The following ZNF804B variants were observed in gnomAD, a reference collection of about 807,000 sequenced individuals.
ZNF804B encodes zinc finger 804B.
ZNF804B carries 80 observed loss-of-function variants against 101.4 expected under a neutral mutation model. The ratio of observed to expected loss-of-function variants is 0.79; its 90% CI spans 0.66 to 0.95. The LOEUF is 0.95. ZNF804B is among the 40% of genes least tolerant of loss of function. The pLI, the probability that ZNF804B is intolerant of heterozygous loss-of-function variation, is 0.00. For synonymous variants in ZNF804B, 622 were observed against 558.8 expected, an observed-to-expected ratio of 1.11 and a Z score of -1.59; for missense variants, 1,673 against 1,561.9, an observed-to-expected ratio of 1.07 and a Z score of -1.20.
intron 1 of ZNF804B, among the ~76,000 whole-genome samples, chr7:88,924,454 A>G (rs1244580250): frequency 6.6e-6 from 1 of 152,158 alleles, no homozygotes; most frequent in African/African-American, 2.4e-5. Flanking sequence ...GACATTAATC[A>G]TGTATCTCAA....
At chr7:89,205,906 A>G (rs1788707735) in intron 1 of ZNF804B, among the ~76,000 whole-genome samples, 1 of 152,198 alleles carries the variant, frequency 6.6e-6, no homozygotes, top group Non-Finnish European at 1.5e-5. Flanking sequence ...GTTCTCCACA[A>G]GGCCCCACCC....
intron 1 of ZNF804B, among the ~76,000 whole-genome samples, chr7:88,854,533 T>TTCCTTTCCTTCC (rs796987599): frequency 1.3e-5 from 1 of 78,178 alleles, no homozygotes; most frequent in African/African-American, 5.8e-5. Context: ...TTCCTTTCCT[T>TTCCTTTCCTTCC]CCTTCCTTCC....
intron 1 of ZNF804B, among the ~76,000 whole-genome samples, chr7:89,018,551 G>A (rs1297463692): frequency 6.6e-6 from 1 of 151,998 alleles, no homozygotes; most frequent in Non-Finnish European, 1.5e-5. Context: ...TAGCTTGGAA[G>A]AATTCCTTCC....
intron 1 of ZNF804B, among the ~76,000 whole-genome samples, chr7:89,206,589 T>A (rs1788717800): frequency 6.6e-6 from 1 of 151,942 alleles, no homozygotes; most frequent in Non-Finnish European, 1.5e-5. Flanking sequence ...CTGTCTCTAC[T>A]AAAAATACAA....
chr7:89,179,599 T>A (rs1788265454), intron 1 of ZNF804B, among the ~76,000 whole-genome samples: 1 of 152,222 alleles, frequency 6.6e-6, no homozygotes, highest in Non-Finnish European at 1.5e-5. Flanking sequence ...CTTATCTGCC[T>A]GAAAGGTCAC....
chr7:89,325,737 C>A (rs545342821), intron 2 of ZNF804B, among the ~76,000 whole-genome samples: 24 of 151,756 alleles, frequency 1.6e-4, no homozygotes, highest in African/African-American at 4.6e-4. Flanking sequence ...GCTGGTAATA[C>A]CTAATATTAA....
intron 1 of ZNF804B, among the ~76,000 whole-genome samples, chr7:88,802,038 G>T (rs1438542316): frequency 6.6e-6 from 1 of 151,990 alleles, no homozygotes; most frequent in Non-Finnish European, 1.5e-5. Flanking sequence ...CCCTCATGCT[G>T]CTCTGGTGAT....
At chr7:88,930,514 G>A (rs1407995095) in intron 1 of ZNF804B, among the ~76,000 whole-genome samples, 1 of 151,864 alleles carries the variant, frequency 6.6e-6, no homozygotes, top group East Asian at 1.9e-4. Context: ...TCCAAAAAAT[G>A]TCCCAGACCA....
intron 1 of ZNF804B, among the ~76,000 whole-genome samples, chr7:89,196,329 C>T (rs1788551443): frequency 6.6e-6 from 1 of 151,940 alleles, no homozygotes; most frequent in Non-Finnish European, 1.5e-5. Flanking sequence ...AGACCACACA[C>T]CTACAACCAT....
At position 88,774,276 on chromosome 7, in the gene ZNF804B, G is replaced by T. The variant is rs4728772; in HGVS notation, c.108+14192G>T. 4.6e-5 allele frequency among the ~76,000 whole-genome samples: 7 copies of T among 150,634 alleles called. No homozygotes were observed. In the South Asian group the frequency reaches 6.3e-4, roughly 14 times the overall value. On this transcript the variant is annotated intron_variant, in intron 1 of 3. Coordinates refer to ENST00000333190, the MANE Select transcript of ZNF804B (RefSeq NM_181646.5). ...ACGAAGGGGATTACAGCAATTGAAA[G>T]GCTCCTGTTAATCCTCTTAGTTTGG... is the stretch of plus-strand genomic sequence containing the variant.
intron 1 of ZNF804B, among the ~76,000 whole-genome samples, chr7:88,801,730 A>G (rs975902090): frequency 1.3e-5 from 2 of 152,110 alleles, no homozygotes; most frequent in Non-Finnish European, 2.9e-5. Context: ...ACTGACAAAC[A>G]TTTGAAATAT....
intron 2 of ZNF804B, among the ~76,000 whole-genome samples, chr7:89,233,359 G>C (rs1562924270): frequency 6.6e-6 from 1 of 152,170 alleles, no homozygotes; most frequent in African/African-American, 2.4e-5. Flanking sequence ...ACACAGACAT[G>C]TGGTTGTCTG....
Position 89,067,319 on chromosome 7 carries a change from C to A in ZNF804B, c.109-150836C>A, listed in dbSNP as rs182312601. Among the ~76,000 whole-genome samples, 376 of 152,250 alleles carry A rather than the reference C, an allele frequency of 2.5e-3. 1 individual carries two copies. The highest frequency in any genetic ancestry group is 8.1e-3 in the African/African-American group (338 of 41,552). On this transcript the variant is annotated intron_variant, in intron 1 of 3. Transcript: ENST00000333190. ...GGAATCTCTATCACTGGGAGGAGCC[C>A]AGGCCTTCGTAGGGCTTACTTGATT...
chr7:88,978,218 A>G (rs1389710794), intron 1 of ZNF804B, among the ~76,000 whole-genome samples: 3 of 151,606 alleles, frequency 2.0e-5, no homozygotes, highest in African/African-American at 7.2e-5. Context: ...CATTGAGTTA[A>G]GTGTTCTGTA....
intron 1 of ZNF804B, among the ~76,000 whole-genome samples, chr7:88,860,787 T>G (rs984720629): frequency 2.0e-5 from 3 of 152,198 alleles, no homozygotes; most frequent in African/African-American, 7.2e-5. Flanking sequence ...ATATGAATAA[T>G]TAATTTGTTT....
intron 1 of ZNF804B, among the ~76,000 whole-genome samples, chr7:88,920,294 A>C (rs1261416745): frequency 6.6e-6 from 1 of 152,102 alleles, no homozygotes; most frequent in Non-Finnish European, 1.5e-5. Context: ...CATGACTGGA[A>C]TCACATTAGA....
At chr7:88,823,480 G>A (rs1412011637) in intron 1 of ZNF804B, among the ~76,000 whole-genome samples, 2 of 152,136 alleles carry the variant, frequency 1.3e-5, no homozygotes, top group Non-Finnish European at 2.9e-5. Flanking sequence ...CACAATTCAA[G>A]ATGGGATAAA....
chr7:89,079,530 G>T (rs1789664165), intron 1 of ZNF804B, among the ~76,000 whole-genome samples: 1 of 151,994 alleles, frequency 6.6e-6, no homozygotes, highest in Non-Finnish European at 1.5e-5. Flanking sequence ...CTTACTCTCT[G>T]CAAAATTCTC....
At chr7:88,804,040 A>G (rs1043835787) in intron 1 of ZNF804B, among the ~76,000 whole-genome samples, 1 of 152,134 alleles carries the variant, frequency 6.6e-6, no homozygotes, top group Non-Finnish European at 1.5e-5. Flanking sequence ...GTAAAATTCT[A>G]AACAAAAATA....
Sources: gnomAD v4.1 joint callset for allele counts (sites outside exome capture counted in the v4.1 genomes callset) on GRCh38, gnomAD v4.1.1 for gene constraint, MANE v1.5 for transcripts, NCBI Gene and HGNC (gene_info 2026-07-23, HGNC 2026-07-21) for gene names.